Variants in SLAMF6 observed in about 807,000 individuals in gnomAD.
SLAMF6 encodes NK-T-B-antigen.
SLAMF6 carries 21 observed loss-of-function variants against 38.3 expected under a neutral mutation model. The ratio of observed to expected loss-of-function variants is 0.55; its 90% CI spans 0.39 to 0.79. The LOEUF is 0.79. Among genes scored for constraint, SLAMF6 ranks in the 30% least tolerant of loss-of-function variants. The probability of loss-of-function intolerance (pLI) is 0.00; values close to 1 mark genes in which losing one functional copy is unlikely to be tolerated. For synonymous variants in SLAMF6, 152 were observed against 146.3 expected (o/e 1.04, Z -0.28); for missense variants, 341 against 385.3 (o/e 0.89, Z 0.96).
Position 160,487,137 on chromosome 1 carries a change from G to T in SLAMF6, c.918C>A (p.Ile306=). Reference sequence around the variant, plus strand: ...AATGATTAATTGTGGAGTAAATTGTGATAGTATCATTTTCTCTAGGTGTCC... The same window carrying T: ...AATGATTAATTGTGGAGTAAATTGTTATAGTATCATTTTCTCTAGGTGTCC... ...EIWTPRENDT[I]TIYSTINHSK... Residue 306 remains isoleucine (I), a synonymous_variant, in exon 7 of 8, where the codon ATC becomes ATA. Coordinates refer to ENST00000368057, the MANE Select transcript of SLAMF6 (RefSeq NM_001184714.2). The T allele has an allele frequency of 6.2e-7, 1 of 1,613,268 alleles. No individual in the cohort carries two copies. Among genetic ancestry groups the T allele is most frequent in the African/African-American group, 1.3e-5 (1 of 74,970 alleles).
At chr1:160,495,018 G>T (rs1397587368) in intron 2 of SLAMF6, among the ~76,000 whole-genome samples, 2 of 152,092 alleles carry the variant, frequency 1.3e-5, no homozygotes, top group African/African-American at 4.8e-5. Context: ...TACCTGTTTG[G>T]TGTTCTATTC....
chr1:160,490,486 T>C (rs1653226185), intron 4 of SLAMF6, 89 bp downstream of exon 4: 1 of 1,536,606 alleles, frequency 6.5e-7, no homozygotes, highest in African/African-American at 1.4e-5. Flanking sequence ...CCTCCTGTCT[T>C]CCACAAGAGA....
At chr1:160,491,465 C>G in intron 2 of SLAMF6, 77 bp from the exon 3 acceptor site, 1 of 1,541,682 alleles carries the variant, frequency 6.5e-7, no homozygotes, top group Non-Finnish European at 8.7e-7. Context: ...TATCCTTCAC[C>G]TCAATGTTTT....
At chr1:160,522,917 T>C (rs1369712764) in intron 1 of SLAMF6, among the ~76,000 whole-genome samples, 1 of 152,204 alleles carries the variant, frequency 6.6e-6, no homozygotes, top group African/African-American at 2.4e-5. Context: ...AATAACTTTC[T>C]TACATGCAGA....
chr1:160,498,013 G>C (rs1384438009), intron 1 of SLAMF6, among the ~76,000 whole-genome samples: 3 of 152,150 alleles, frequency 2.0e-5, no homozygotes, highest in Non-Finnish European at 4.4e-5. Context: ...GGATTGCTGG[G>C]TTGAATGGTA....
At chr1:160,517,710 G>A (rs1284636980) in intron 1 of SLAMF6, among the ~76,000 whole-genome samples, 2 of 152,154 alleles carry the variant, frequency 1.3e-5, no homozygotes, top group South Asian at 2.1e-4. Context: ...GCAGGAATGT[G>A]GATGAAGCTG....
chr1:160,488,447 G>A (rs562647486), intron 6 of SLAMF6, among the ~76,000 whole-genome samples: 2 of 152,288 alleles, frequency 1.3e-5, no homozygotes, highest in East Asian at 1.9e-4. Context: ...CTCTCAAAAT[G>A]TATGGTATTA....
At chr1:160,488,008 T>A (rs1358946865) in intron 6 of SLAMF6, among the ~76,000 whole-genome samples, 1 of 150,684 alleles carries the variant, frequency 6.6e-6, no homozygotes, top group Non-Finnish European at 1.5e-5. Flanking sequence ...AAGGATCACC[T>A]GAGCATGAGG....
chr1:160,486,607 G>C lies in SLAMF6; in HGVS notation c.*100C>G, dbSNP rs569494580. The C allele has an allele frequency of 3.1e-6, 4 of 1,270,124 alleles. No homozygotes were observed. In the African/African-American group the frequency reaches 5.9e-5, roughly 19 times the overall value. 78.7% of individuals were successfully genotyped at this position (1,270,124 alleles called of 1,614,324 possible). The stretch of plus-strand genomic sequence containing the variant: ...ATCCTATCCTAGATATTCAAATTCT[G>C]TTGCCAGGAACAACAGGAACCAAGC... On this transcript the variant is annotated 3_prime_UTR_variant, in exon 8 of 8. Transcript: ENST00000368057.
At position 160,518,954 on chromosome 1, in the gene SLAMF6, T is replaced by C. The variant is rs552653724; in HGVS notation, c.49+4190A>G. Among the ~76,000 whole-genome samples the C allele has an allele frequency of 9.9e-5, 15 of 152,124 alleles. No homozygotes were observed. In the East Asian group the frequency reaches 2.7e-3, roughly 27 times the overall value. ...TGATAAAAAAGAAAAAAGATAAAAA[T>C]AGGTAAATTGTGCTTCATCAAAATT... On this transcript the variant is annotated intron_variant, in intron 1 of 7. Coordinates refer to ENST00000368057, the MANE Select transcript of SLAMF6 (RefSeq NM_001184714.2).
At chr1:160,514,735 C>T (rs1410995522) in intron 1 of SLAMF6, among the ~76,000 whole-genome samples, 3 of 152,182 alleles carry the variant, frequency 2.0e-5, no homozygotes, top group Non-Finnish European at 4.4e-5. Flanking sequence ...AGAAATTGAA[C>T]AACCTGCTCC....
intron 6 of SLAMF6, 71 bp downstream of exon 6, chr1:160,489,017 T>C (rs1173807839): frequency 5.1e-6 from 7 of 1,384,266 alleles, no homozygotes; most frequent in South Asian, 1.2e-5. Flanking sequence ...AGTCAGATGG[T>C]TATGGTGACA....
At chr1:160,520,055 A>G (rs752795084) in intron 1 of SLAMF6, among the ~76,000 whole-genome samples, 12 of 152,168 alleles carry the variant, frequency 7.9e-5, no homozygotes, top group Non-Finnish European at 1.5e-4. Context: ...GCAGATTCTG[A>G]GAGGTGGAAA....
chr1:160,509,024 G>A (rs1465870050), intron 1 of SLAMF6, among the ~76,000 whole-genome samples: 21 of 152,172 alleles, frequency 1.4e-4, no homozygotes, highest in Non-Finnish European at 4.4e-5. Context: ...GAGAGGATAT[G>A]GAGAAACAGG....
At chr1:160,487,586 C>T (rs931278972) in intron 6 of SLAMF6, among the ~76,000 whole-genome samples, 1 of 152,156 alleles carries the variant, frequency 6.6e-6, no homozygotes, top group African/African-American at 2.4e-5. Flanking sequence ...TTTGCCTGCT[C>T]CATCTTTTGC....
At chr1:160,492,248 ACT>A (rs1653342890) in intron 2 of SLAMF6, among the ~76,000 whole-genome samples, 1 of 152,094 alleles carries the variant, frequency 6.6e-6, no homozygotes, top group African/African-American at 2.4e-5. Context: ...GAAGAGAATG[ACT>A]CCAATTCTCT....
chr1:160,513,988 T>C (rs1428992147), intron 1 of SLAMF6, among the ~76,000 whole-genome samples: 4 of 152,212 alleles, frequency 2.6e-5, no homozygotes, highest in Admixed American at 2.6e-4. Context: ...GCTAGTATCA[T>C]GATGACAGGA....
intron 1 of SLAMF6, among the ~76,000 whole-genome samples, chr1:160,498,763 G>A (rs548732186): frequency 1.1e-3 from 172 of 152,202 alleles, no homozygotes; most frequent in African/African-American, 3.9e-3. Flanking sequence ...CATTCTGACT[G>A]GTGTGAGATG....
rs562278465 is a variant in SLAMF6, at chr1:160,514,888, C to T, written c.49+8256G>A. 1.3e-3 allele frequency among the ~76,000 whole-genome samples: 199 copies of T among 152,120 alleles called. 2 individuals carry two copies. Among genetic ancestry groups the T allele is most frequent in the South Asian group, 0.013 (62 of 4,808 alleles). ...GAGGGAAATTTAGAGCACTAAATGCCCACATCAAAAACCTAGAAAGATCTC... is the reference window on the plus strand; with the variant it reads ...GAGGGAAATTTAGAGCACTAAATGCTCACATCAAAAACCTAGAAAGATCTC... On this transcript the variant is annotated intron_variant, in intron 1 of 7. Transcript: ENST00000368057.
Sources: allele counts gnomAD v4.1 joint callset (sites outside exome capture counted in the v4.1 genomes callset), GRCh38; gene constraint gnomAD v4.1.1; transcripts MANE v1.5; gene names NCBI Gene and HGNC (gene_info 2026-07-23, HGNC 2026-07-21).